Variants in CTNNA1 observed in about 807,000 individuals in gnomAD.
The protein encoded by CTNNA1 is catenin alpha 1, also known as catenin alpha-1.
A neutral mutation model predicts 98.4 loss-of-function variants in CTNNA1; 37 were observed. The ratio of observed to expected loss-of-function variants is 0.38; its 90% CI spans 0.29 to 0.49. CTNNA1 has a LOEUF of 0.49. Ranked by LOEUF, CTNNA1 falls within the 20% of genes least tolerant of loss-of-function variation. The pLI is 0.95. For missense variants in CTNNA1, 761 were observed against 1,147.2 expected (o/e 0.66, Z 4.86); for synonymous variants, 404 against 413.2 (o/e 0.98, Z 0.27).
At chr5:138,776,869 T>A in intron 1 of CTNNA1, among the ~76,000 whole-genome samples, 1 of 120,158 alleles carries the variant, frequency 8.3e-6, no homozygotes, top group Non-Finnish European at 1.7e-5. Context: ...CCCACCTCCC[T>A]CCCGGGCGGG....
intron 10 of CTNNA1, among the ~76,000 whole-genome samples, chr5:138,914,983 C>CA (rs1263620321): frequency 6.6e-6 from 1 of 151,786 alleles, no homozygotes; most frequent in Non-Finnish European, 1.5e-5. Flanking sequence ...CCATCTCTAC[C>CA]AAAAATACAA....
chr5:138,833,468 A>G (rs1023099739), intron 7 of CTNNA1, among the ~76,000 whole-genome samples: 1 of 152,252 alleles, frequency 6.6e-6, no homozygotes, highest in Admixed American at 6.5e-5. Context: ...ATATTATTTT[A>G]GATATATTGG....
intron 5 of CTNNA1, among the ~76,000 whole-genome samples, chr5:138,819,079 AG>A (rs1257685096): frequency 6.6e-6 from 1 of 152,080 alleles, no homozygotes; most frequent in Non-Finnish European, 1.5e-5. Context: ...ATTGGGAAGA[AG>A]GGGTGCTCTG....
At chr5:138,864,016 G>T (rs1308139615) in intron 7 of CTNNA1, among the ~76,000 whole-genome samples, 1 of 152,184 alleles carries the variant, frequency 6.6e-6, no homozygotes, top group African/African-American at 2.4e-5. Flanking sequence ...AGGCTGGAGT[G>T]CAGTGGCACG....
At chr5:138,921,383 A>G (rs2150260088) in intron 11 of CTNNA1, among the ~76,000 whole-genome samples, 1 of 152,336 alleles carries the variant, frequency 6.6e-6, no homozygotes, top group Middle Eastern at 3.4e-3. Flanking sequence ...GAAACAATAT[A>G]TATGCATTAA....
chr5:138,849,210 G>A (rs1432757649), intron 7 of CTNNA1, among the ~76,000 whole-genome samples: 1 of 152,078 alleles, frequency 6.6e-6, no homozygotes, highest in East Asian at 1.9e-4. Flanking sequence ...TTTGAATACT[G>A]TAACTATTCA....
Position 138,796,370 on chromosome 5 carries a change from C to T in CTNNA1, c.301+12998C>T, listed in dbSNP as rs1001697534. Among the ~76,000 whole-genome samples, 22 of 141,138 alleles carry T rather than the reference C, an allele frequency of 1.6e-4. No individual in the cohort carries two copies. In the Admixed American group the frequency reaches 1.7e-3, roughly 11 times the overall value. The allele number at this position is 141,138 out of a possible 152,430, so 92.6% of individuals were successfully genotyped here. On this transcript the variant is annotated intron_variant, in intron 3 of 17. Transcript: ENST00000302763. ...AGGAGATCGAGACCACGGTGAAACC[C>T]CATCTCTACTAAAAATACAAAAAAT...
chr5:138,881,697 T>G (rs1752941800), intron 7 of CTNNA1, among the ~76,000 whole-genome samples: 1 of 152,214 alleles, frequency 6.6e-6, no homozygotes, highest in Admixed American at 6.5e-5. Context: ...TTTTTTATTG[T>G]CTTGGGTAGA....
At chr5:138,930,289 G>A (rs531344066) in intron 14 of CTNNA1, among the ~76,000 whole-genome samples, 184 bp from the exon 15 acceptor site, 4 of 152,232 alleles carry the variant, frequency 2.6e-5, no homozygotes, top group East Asian at 1.9e-4. Flanking sequence ...AAAGTGGGTC[G>A]GAAATTCAGG....
intron 13 of CTNNA1, 32 bp downstream of exon 13, chr5:138,925,439 CTTCT>C (rs748800792): frequency 6.9e-6 from 11 of 1,602,686 alleles, no homozygotes; most frequent in Non-Finnish European, 9.4e-6. Flanking sequence ...GTCTTAACAG[CTTCT>C]TTCTTATCAT....
At chr5:138,798,584 A>C (rs1490441428) in intron 3 of CTNNA1, among the ~76,000 whole-genome samples, 1 of 152,182 alleles carries the variant, frequency 6.6e-6, no homozygotes, top group Admixed American at 6.5e-5. Flanking sequence ...TTTACTCATG[A>C]TATTTGATGC....
At chr5:138,859,822 C>T (rs1217466536) in intron 7 of CTNNA1, among the ~76,000 whole-genome samples, 2 of 152,176 alleles carry the variant, frequency 1.3e-5, no homozygotes, top group East Asian at 1.9e-4. Context: ...GTGGGAGAAT[C>T]GCTTGAGCCC....
chr5:138,785,749 A>G (rs372798837), intron 3 of CTNNA1, among the ~76,000 whole-genome samples: 83 of 151,978 alleles, frequency 5.5e-4, no homozygotes, highest in African/African-American at 1.6e-3. Flanking sequence ...TTAGTATAGT[A>G]TAGTGTAGTG....
chr5:138,822,497 G>GA (rs1760141118), intron 5 of CTNNA1, among the ~76,000 whole-genome samples: 1 of 152,184 alleles, frequency 6.6e-6, no homozygotes, highest in South Asian at 2.1e-4. Context: ...TAAAACGGTA[G>GA]ACAATTTAAG....
chr5:138,764,924 A>G (rs1028119680), intron 1 of CTNNA1, among the ~76,000 whole-genome samples: 3 of 117,304 alleles, frequency 2.6e-5, no homozygotes, highest in South Asian at 2.8e-4. Context: ...CTGGAGTGGG[A>G]GTGCAGTGAT....
intron 1 of CTNNA1, chr5:138,761,865 C>G (rs1446705528): frequency 1.3e-5 from 2 of 152,286 alleles, no homozygotes; most frequent in Non-Finnish European, 2.9e-5. Flanking sequence ...AAGTGATCCC[C>G]TCACCGCAGC....
rs1425730559 is a variant in CTNNA1, at chr5:138,887,585, G to A, written c.1239G>A (p.Glu413=). The A allele has an allele frequency of 6.2e-7, 1 of 1,612,550 alleles. No individual in the cohort carries two copies. Among genetic ancestry groups the A allele is most frequent in the South Asian group, 1.1e-5 (1 of 90,736 alleles). The change falls in exon 9 of 18, where the codon GAG becomes GAA. Residue 413 remains glutamate, a synonymous_variant. Coordinates refer to ENST00000302763, the MANE Select transcript of CTNNA1 (RefSeq NM_001903.5). The part of the protein sequence containing the change: ...VLIEAAKNGN[E]KEVKEYAQVF... ...TTGAAGCTGCAAAGAATGGAAATGA[G>A]AAAGAAGTTAAGGAGTATGCCCAAG...
At chr5:138,901,063 G>A (rs1435978042) in intron 9 of CTNNA1, among the ~76,000 whole-genome samples, 1 of 152,060 alleles carries the variant, frequency 6.6e-6, no homozygotes, top group Non-Finnish European at 1.5e-5. Context: ...ACTGTTCTAC[G>A]AAGTCTTGGC....
At chr5:138,841,145 TA>T (rs1318376667) in intron 7 of CTNNA1, among the ~76,000 whole-genome samples, 4 of 152,256 alleles carry the variant, frequency 2.6e-5, no homozygotes, top group Admixed American at 2.0e-4. Flanking sequence ...GGGATTATTT[TA>T]TTCATTTTCA....
Sources: allele counts gnomAD v4.1 joint callset (sites outside exome capture counted in the v4.1 genomes callset), GRCh38; gene constraint gnomAD v4.1.1; transcripts MANE v1.5; gene names NCBI Gene and HGNC (gene_info 2026-07-23, HGNC 2026-07-21).